GOSR1: variants seen among roughly 807,000 people sequenced by gnomAD.
GOSR1 encodes the protein 28 kDa Golgi SNARE protein.
A neutral mutation model predicts 35.5 loss-of-function variants in GOSR1; 21 were observed. The ratio of observed to expected loss-of-function variants is 0.59; its 90% CI spans 0.42 to 0.85. GOSR1 has a LOEUF of 0.85. Among genes scored for constraint, GOSR1 ranks in the 40% least tolerant of loss-of-function variants. The pLI is 0.00. For missense variants in GOSR1, 285 were observed against 309.6 expected (o/e 0.92, Z 0.60); for synonymous variants, 94 against 106.6 (o/e 0.88, Z 0.73).
chr17:30,524,771 T>C lies in GOSR1; in HGVS notation c.*2393T>C, dbSNP rs1005791701. ...AGGGCTCACTGTCCAGAGAATTGCTTTTGTAAATGCTCCACAACGTATGGG... is the reference window on the plus strand; with the variant it reads ...AGGGCTCACTGTCCAGAGAATTGCTCTTGTAAATGCTCCACAACGTATGGG... On this transcript the variant is annotated 3_prime_UTR_variant, in exon 9 of 9. Transcript: ENST00000451249. 6.6e-6 allele frequency: 1 copy of C among 152,240 alleles called. No individual in the cohort carries two copies. The highest frequency in any genetic ancestry group is 1.5e-5 in the Non-Finnish European group (1 of 68,050). The allele number at this position is 152,240 out of a possible 1,614,324, so 9.4% of individuals were successfully genotyped here. A position where few individuals can be genotyped will look rare whatever the true frequency, so the allele number is the denominator to read the frequency against.
In GOSR1 at chr17:30,522,515, C is replaced by G. The variant is rs575781399; in HGVS notation, c.*137C>G. The G allele has an allele frequency of 3.8e-4, 212 of 563,170 alleles. 1 individual carries two copies. Among genetic ancestry groups the G allele is most frequent in the African/African-American group, 3.6e-3 (188 of 52,090 alleles). The allele number at this position is 563,170 out of a possible 1,614,324, so 34.9% of individuals were successfully genotyped here. On this transcript the variant is annotated 3_prime_UTR_variant, in exon 9 of 9. Transcript: ENST00000451249. Reference sequence around the variant, plus strand: ...TGAATGCAAGACTGACAGTGATGGACTCTGTGACATGGTCAGGTTGAGCTG... The same window carrying G: ...TGAATGCAAGACTGACAGTGATGGAGTCTGTGACATGGTCAGGTTGAGCTG...
chr17:30,508,894 A>G (rs1021853212), intron 6 of GOSR1, among the ~76,000 whole-genome samples: 3 of 152,194 alleles, frequency 2.0e-5, no homozygotes, highest in African/African-American at 7.2e-5. Context: ...TAGATTCAGC[A>G]TTTAAATAGC....
At chr17:30,521,042 G>T (rs73279567) in intron 8 of GOSR1, among the ~76,000 whole-genome samples, 2,863 of 152,168 alleles carry the variant, frequency 0.019, 94 homozygotes, top group African/African-American at 0.065. Context: ...AGAAGTGTGA[G>T]TCAGATAGCT....
At chr17:30,495,910 T>G (rs1966981635) in intron 6 of GOSR1, among the ~76,000 whole-genome samples, 1 of 152,252 alleles carries the variant, frequency 6.6e-6, no homozygotes. Context: ...CAACCTCATC[T>G]GAGTACTCTG....
At chr17:30,492,379 T>C (rs1264657017) in intron 5 of GOSR1, among the ~76,000 whole-genome samples, 1 of 152,200 alleles carries the variant, frequency 6.6e-6, no homozygotes, top group African/African-American at 2.4e-5. Flanking sequence ...AATGAAGATA[T>C]CAGAGATAGG....
intron 6 of GOSR1, among the ~76,000 whole-genome samples, chr17:30,494,479 A>G (rs1398356117): frequency 6.6e-6 from 1 of 152,052 alleles, no homozygotes; most frequent in African/African-American, 2.4e-5. Flanking sequence ...GTTGCTATTT[A>G]GATAATTTCT....
intron 7 of GOSR1, among the ~76,000 whole-genome samples, chr17:30,514,292 C>T (rs1967721304): frequency 6.6e-6 from 1 of 152,166 alleles, no homozygotes; most frequent in African/African-American, 2.4e-5. Flanking sequence ...GATGTCCTTC[C>T]TCCATTACCC....
chr17:30,491,508 A>G (rs1302319361), intron 5 of GOSR1, among the ~76,000 whole-genome samples: 4 of 152,070 alleles, frequency 2.6e-5, no homozygotes, highest in Admixed American at 6.6e-5. Flanking sequence ...AAAATAAAAA[A>G]ATTAGCTGGG....
intron 6 of GOSR1, chr17:30,495,394 G>A (rs763500993): frequency 2.2e-6 from 1 of 455,020 alleles, no homozygotes; most frequent in Non-Finnish European, 4.4e-6. Context: ...TACGTCTTCT[G>A]TATTTACCTT....
chr17:30,520,369 T>C (rs1967983346), intron 8 of GOSR1: 1 of 166,706 alleles, frequency 6.0e-6, no homozygotes, highest in African/African-American at 2.4e-5. Flanking sequence ...ATAAATTATA[T>C]GCCTTTGTTG....
At position 30,478,501 on chromosome 17, in the gene GOSR1, A is replaced by G. The variant is rs12601628; in HGVS notation, c.31+1037A>G. ...ATTCCAATCACAGAAAAGCGTGCTT[A>G]TAGTTTAAAACATGTATTACAATGC... is the stretch of plus-strand genomic sequence containing the variant. On this transcript the variant is annotated intron_variant, in intron 1 of 8. Transcript: ENST00000451249. 2.6e-4 allele frequency: 39 copies of G among 152,080 alleles called. No individual in the cohort carries two copies. The East Asian group carries it at 7.5e-3, about 29-fold the overall frequency. The allele number at this position is 152,080 out of a possible 1,614,324, so 9.4% of individuals were successfully genotyped here.
chr17:30,489,003 GTA>G (rs1010996295), intron 4 of GOSR1, among the ~76,000 whole-genome samples: 80 of 152,248 alleles, frequency 5.3e-4, no homozygotes, highest in African/African-American at 1.9e-3. Context: ...ACTTTATGAA[GTA>G]CAAAAAGCAA....
chr17:30,479,522 G>A (rs1172017428), intron 1 of GOSR1: 3 of 151,928 alleles, frequency 2.0e-5, no homozygotes, highest in African/African-American at 7.3e-5. Flanking sequence ...TTTTTTAGAT[G>A]GAGTCTCGCA....
chr17:30,495,299 A>G (rs993373082), intron 6 of GOSR1: 5 of 370,848 alleles, frequency 1.3e-5, no homozygotes, highest in African/African-American at 6.4e-5. Context: ...TTGAAATGCC[A>G]TAATTTATCC....
chr17:30,478,959 T>A (rs1914147748), intron 1 of GOSR1: 1 of 152,222 alleles, frequency 6.6e-6, no homozygotes, highest in Non-Finnish European at 1.5e-5. Context: ...TTACAGCGGC[T>A]CATTACTGAC....
chr17:30,505,055 C>A (rs1967350805), intron 6 of GOSR1, among the ~76,000 whole-genome samples: 1 of 152,148 alleles, frequency 6.6e-6, no homozygotes, highest in Non-Finnish European at 1.5e-5. Flanking sequence ...AAGTGTATTT[C>A]CACAGACTGA....
chr17:30,521,919 C>T (rs1367963787), intron 8 of GOSR1, among the ~76,000 whole-genome samples: 2 of 152,166 alleles, frequency 1.3e-5, no homozygotes, highest in Non-Finnish European at 2.9e-5. Context: ...TCCTCCATTC[C>T]TGGCCACGCT....
At chr17:30,515,600 T>G (rs542805890) in intron 7 of GOSR1, among the ~76,000 whole-genome samples, 1 of 152,318 alleles carries the variant, frequency 6.6e-6, no homozygotes, top group East Asian at 1.9e-4. Flanking sequence ...AATCTCCATT[T>G]TTAACCCTAC....
intron 6 of GOSR1, among the ~76,000 whole-genome samples, chr17:30,509,054 C>T (rs1967517738): frequency 6.6e-6 from 1 of 152,156 alleles, no homozygotes; most frequent in Non-Finnish European, 1.5e-5. Flanking sequence ...CGGCTCACTG[C>T]AACCTCCACC....
Sources: gnomAD v4.1 joint callset for allele counts (sites outside exome capture counted in the v4.1 genomes callset) on GRCh38, gnomAD v4.1.1 for gene constraint, MANE v1.5 for transcripts, NCBI Gene and HGNC (gene_info 2026-07-23, HGNC 2026-07-21) for gene names.